PAX3: variants seen among roughly 807,000 people sequenced by gnomAD.
PAX3 encodes paired box protein Pax-3.
In PAX3, 14 loss-of-function variants were observed where a neutral mutation model predicts 51.6. That is an observed-to-expected ratio of 0.27 (90% CI 0.18 to 0.42). The LOEUF (loss-of-function observed/expected upper bound fraction) is 0.42. Among genes scored for constraint, PAX3 ranks in the 10% least tolerant of loss-of-function variants. The pLI is 1.00. For missense variants in PAX3, 540 were observed against 642.8 expected (o/e 0.84, Z 1.73); for synonymous variants, 280 against 253.4 (o/e 1.11, Z -1.00).
At chr2:222,272,418 T>G (rs529351119) in intron 4 of PAX3, among the ~76,000 whole-genome samples, 6 of 152,334 alleles carry the variant, frequency 3.9e-5, no homozygotes, top group African/African-American at 1.4e-4. Context: ...CTTCAATGGG[T>G]AACATTTGTT....
intron 4 of PAX3, among the ~76,000 whole-genome samples, chr2:222,257,129 A>G (rs1471444714): frequency 1.3e-5 from 2 of 152,214 alleles, no homozygotes; most frequent in Non-Finnish European, 2.9e-5. Context: ...TACAATGTCT[A>G]TGCTTTGCTT....
chr2:222,296,916 G>C, intron 2 of PAX3, 62 bp downstream of exon 2: 1 of 1,380,452 alleles, frequency 7.2e-7, no homozygotes, highest in Non-Finnish European at 1.0e-6. Flanking sequence ...CCCCCCGCCC[G>C]GTCTTCCCCA....
intron 4 of PAX3, among the ~76,000 whole-genome samples, chr2:222,280,394 A>AAAAG (rs1294106161): frequency 1.3e-5 from 2 of 148,502 alleles, no homozygotes; most frequent in African/African-American, 4.9e-5. Flanking sequence ...GAAGGAAGGA[A>AAAAG]AAAGAAAGAA....
intron 4 of PAX3, among the ~76,000 whole-genome samples, chr2:222,247,329 C>A (rs534054826): frequency 1.3e-5 from 2 of 152,220 alleles, no homozygotes; most frequent in Admixed American, 6.5e-5. Context: ...AGACAAATCC[C>A]AGGTAACTAA....
chr2:222,289,162 C>T (rs991917803), intron 4 of PAX3, among the ~76,000 whole-genome samples: 1 of 152,262 alleles, frequency 6.6e-6, no homozygotes, highest in South Asian at 2.1e-4. Flanking sequence ...TCTTTATTTA[C>T]CCTCATAGAT....
chr2:222,298,556 G>A lies in PAX3; in HGVS notation c.60C>T (p.Tyr20=). 1 of 1,607,240 alleles carries A rather than the reference G, an allele frequency of 6.2e-7. No homozygotes were observed. Among genetic ancestry groups the A allele is most frequent in the South Asian group, 1.1e-5 (1 of 89,880 alleles). Residue 20 remains tyrosine, a synonymous_variant, in exon 1 of 9, where the codon TAC becomes TAT. Transcript: ENST00000392070. ...CTTCCAGCGGGAACCCGCTACGCGG[G>A]TAGTTCTGCCCCGGGCCCGGCCGCA... ...RMMRPGPGQN[Y]PRSGFPLEVS...
chr2:222,249,013 A>G (rs1693325705), intron 4 of PAX3, among the ~76,000 whole-genome samples: 1 of 152,166 alleles, frequency 6.6e-6, no homozygotes, highest in South Asian at 2.1e-4. Context: ...GACAGTAAAC[A>G]AGGAGGCTCT....
At chr2:222,236,126 C>T (rs1372577785) in intron 4 of PAX3, among the ~76,000 whole-genome samples, 2 of 152,222 alleles carry the variant, frequency 1.3e-5, no homozygotes, top group African/African-American at 4.8e-5. Flanking sequence ...CAAGATTAAT[C>T]TGCCGGCTAG....
intron 4 of PAX3, among the ~76,000 whole-genome samples, chr2:222,283,573 T>C (rs930140): frequency 0.43 from 64,671 of 152,118 alleles, 14,406 homozygotes; most frequent in East Asian, 0.59. Flanking sequence ...GAGTGCAATC[T>C]TCAGAATAAA....
intron 5 of PAX3, among the ~76,000 whole-genome samples, chr2:222,229,043 A>G (rs1692485260): frequency 6.6e-6 from 1 of 152,164 alleles, no homozygotes; most frequent in Admixed American, 6.5e-5. Flanking sequence ...GCCACTCAAA[A>G]GAGGCATGAT....
chr2:222,289,852 C>A (rs114446672), intron 4 of PAX3, among the ~76,000 whole-genome samples: 4 of 152,292 alleles, frequency 2.6e-5, no homozygotes, highest in Non-Finnish European at 5.9e-5. Context: ...GATGATATTT[C>A]TTTGCTGAGT....
At position 222,252,880 on chromosome 2, in the gene PAX3, C is replaced by T. The variant is rs543670857; in HGVS notation, c.587-20597G>A. On this transcript the variant is annotated intron_variant, in intron 4 of 8. Transcript: ENST00000392070. Reference sequence around the variant, plus strand: ...AACAGGACAGTAGTTTTCTAAGTGGCCTGGAGTCTTGGTGCTATGATTAGT... The same window carrying T: ...AACAGGACAGTAGTTTTCTAAGTGGTCTGGAGTCTTGGTGCTATGATTAGT... 1.2e-3 allele frequency among the ~76,000 whole-genome samples: 184 copies of T among 152,226 alleles called. 1 individual carries two copies. Among genetic ancestry groups the T allele is most frequent in the Non-Finnish European group, 2.2e-3 (153 of 68,006 alleles).
At chr2:222,250,660 G>A (rs1693395024) in intron 4 of PAX3, among the ~76,000 whole-genome samples, 1 of 152,046 alleles carries the variant, frequency 6.6e-6, no homozygotes, top group South Asian at 2.1e-4. Context: ...CAAGGACAAG[G>A]GCTTTAGAAT....
At chr2:222,261,933 G>T (rs575012130) in intron 4 of PAX3, among the ~76,000 whole-genome samples, 7 of 152,226 alleles carry the variant, frequency 4.6e-5, no homozygotes, top group African/African-American at 7.2e-5. Flanking sequence ...CAGGCAACCA[G>T]TATCCCAATG....
rs754090852 is a variant in PAX3 at position 222,201,407 on chromosome 2, C to A, written c.*1G>T. On this transcript the variant is annotated 3_prime_UTR_variant, in exon 9 of 9. Coordinates refer to ENST00000392070, the MANE Select transcript of PAX3 (RefSeq NM_181458.4). ...GTTTTAGCTCCAAGTGGACAGTTCA[C>A]TTACGCGATATCTGGCTTGAGATAA... The A allele has an allele frequency of 6.2e-7, 1 of 1,613,904 alleles. No individual in the cohort carries two copies. Among genetic ancestry groups the A allele is most frequent in the Non-Finnish European group, 8.5e-7 (1 of 1,179,990 alleles).
rs1335220709 is a variant in PAX3 at position 222,230,820 on chromosome 2, A to C, written c.792+1258T>G. 2.2e-5 allele frequency among the ~76,000 whole-genome samples: 3 copies of C among 137,314 alleles called. No individual in the cohort carries two copies. In the Admixed American group the frequency reaches 2.5e-4, roughly 11 times the overall value. The allele number at this position is 137,314 out of a possible 152,430, so 90.1% of individuals were successfully genotyped here. ...CAGTGAGCTGAGGTTGTACCACTGC[A>C]CTCCAGCCTGGGTGACAGAGTGAGA... On this transcript the variant is annotated intron_variant, in intron 5 of 8. Transcript: ENST00000392070.
intron 4 of PAX3, among the ~76,000 whole-genome samples, chr2:222,269,289 A>G (rs990076571): frequency 5.3e-5 from 8 of 152,288 alleles, no homozygotes; most frequent in Admixed American, 3.3e-4. Context: ...CGCACAGTCC[A>G]TCAGAGGCCC....
chr2:222,282,741 A>G (rs908820474), intron 4 of PAX3, among the ~76,000 whole-genome samples: 10 of 152,226 alleles, frequency 6.6e-5, no homozygotes, highest in African/African-American at 2.4e-4. Flanking sequence ...TAAATAGTAA[A>G]TAGGGAAAAA....
intron 6 of PAX3, 115 bp from the exon 7 acceptor site, chr2:222,220,469 T>A (rs1456170235): frequency 3.1e-6 from 3 of 977,716 alleles, no homozygotes; most frequent in Non-Finnish European, 4.8e-6. Flanking sequence ...TCAAATCAAA[T>A]GTTCACTTCA....
Sources: gnomAD v4.1 joint callset for allele counts (sites outside exome capture counted in the v4.1 genomes callset) on GRCh38, gnomAD v4.1.1 for gene constraint, MANE v1.5 for transcripts, NCBI Gene and HGNC (gene_info 2026-07-23, HGNC 2026-07-21) for gene names.